Variants in NBAS observed in about 807,000 individuals in gnomAD.
NBAS encodes NBAS subunit of NRZ tethering complex.
Under a neutral mutation model 302.5 loss-of-function variants are expected in NBAS, and 219 were observed. The ratio of observed to expected loss-of-function variants is 0.72; its 90% CI spans 0.65 to 0.81. The LOEUF is 0.81. Among genes scored for constraint, NBAS ranks in the 30% least tolerant of loss-of-function variants. NBAS has a pLI of 0.00. For missense variants in NBAS, 2,932 were observed against 2,841.6 expected (o/e 1.03, Z -0.72); for synonymous variants, 1,118 against 1,021.6 (o/e 1.09, Z -1.80).
chr2:15,314,046 T>C (rs1361517446), intron 38 of NBAS, among the ~76,000 whole-genome samples: 2 of 152,062 alleles, frequency 1.3e-5, no homozygotes, highest in Non-Finnish European at 2.9e-5. Context: ...AAACTCTAGA[T>C]AAAATATAAA....
At chr2:15,058,547 T>C in the NBAS span, among the ~76,000 whole-genome samples, 1 of 152,328 alleles carries the variant, frequency 6.6e-6, no homozygotes, top group African/African-American at 2.4e-5. Flanking sequence ...CAACATAAGG[T>C]TGAAGTTCCC....
intron 3 of NBAS, 112 bp downstream of exon 3, chr2:15,556,671 T>A (rs1057436365): frequency 6.8e-6 from 7 of 1,021,978 alleles, no homozygotes; most frequent in Non-Finnish European, 1.1e-5. Context: ...TTTGCCTGAA[T>A]GTCAGCAACT....
At chr2:15,221,241 T>C (rs1666936731) in intron 47 of NBAS, among the ~76,000 whole-genome samples, 1 of 152,192 alleles carries the variant, frequency 6.6e-6, no homozygotes, top group African/African-American at 2.4e-5. Flanking sequence ...CTGCAGACTT[T>C]CCTAAGAACT....
chr2:15,174,813 T>C (rs2125108620), intron 51 of NBAS, among the ~76,000 whole-genome samples: 1 of 152,290 alleles, frequency 6.6e-6, no homozygotes, highest in African/African-American at 2.4e-5. Flanking sequence ...TTCTCATCTG[T>C]GAAACCAAAA....
At chr2:15,277,951 C>T (rs1213160860) in intron 42 of NBAS, among the ~76,000 whole-genome samples, 1 of 152,046 alleles carries the variant, frequency 6.6e-6, no homozygotes, top group East Asian at 1.9e-4. Context: ...TTGTAAGAGT[C>T]CTTCAGGCAG....
At chr2:15,062,852 G>A in the NBAS span, among the ~76,000 whole-genome samples, 1 of 152,184 alleles carries the variant, frequency 6.6e-6, no homozygotes, top group Non-Finnish European at 1.5e-5. Context: ...AAACTAAGCA[G>A]TCAATCAAAA....
chr2:14,854,375 T>C, the NBAS span, among the ~76,000 whole-genome samples: 1 of 151,744 alleles, frequency 6.6e-6, no homozygotes, highest in Non-Finnish European at 1.5e-5. Context: ...GATGGCAGAA[T>C]AGAAAGTGCC....
the NBAS span, among the ~76,000 whole-genome samples, chr2:15,098,964 CAT>C: frequency 5.3e-5 from 8 of 150,842 alleles, no homozygotes; most frequent in Admixed American, 1.3e-4. Context: ...CTCACACACA[CAT>C]ATATATATAC....
At chr2:15,058,034 G>T in the NBAS span, among the ~76,000 whole-genome samples, 1 of 152,192 alleles carries the variant, frequency 6.6e-6, no homozygotes. Flanking sequence ...AAATAGTGTG[G>T]AGATTCCTTA....
the NBAS span, among the ~76,000 whole-genome samples, chr2:15,074,398 G>T: frequency 5.6e-5 from 8 of 143,788 alleles, no homozygotes; most frequent in Non-Finnish European, 9.1e-5. Flanking sequence ...TGGAAGGAGG[G>T]GGGGAGGGAA....
At chr2:15,079,950 A>G in the NBAS span, among the ~76,000 whole-genome samples, 1 of 152,196 alleles carries the variant, frequency 6.6e-6, no homozygotes, top group Non-Finnish European at 1.5e-5. Flanking sequence ...CAACCATTAT[A>G]TTGACAAATA....
chr2:15,072,418 C>T, the NBAS span, among the ~76,000 whole-genome samples: 1 of 152,074 alleles, frequency 6.6e-6, no homozygotes, highest in Non-Finnish European at 1.5e-5. Flanking sequence ...ACTCCTTTAC[C>T]ATATCACTAT....
intron 1 of NBAS, among the ~76,000 whole-genome samples, chr2:15,560,010 C>G (rs1664836898): frequency 6.6e-6 from 1 of 152,060 alleles, no homozygotes; most frequent in Admixed American, 6.6e-5. Context: ...ATGATAAGCA[C>G]AAACTGCAGT....
the NBAS span, among the ~76,000 whole-genome samples, chr2:14,832,875 T>G: frequency 6.6e-6 from 1 of 152,190 alleles, no homozygotes; most frequent in East Asian, 1.9e-4. Flanking sequence ...TGTTGCCAAA[T>G]GTCCCATGGA....
At chr2:15,056,916 C>A in the NBAS span, among the ~76,000 whole-genome samples, 1 of 151,304 alleles carries the variant, frequency 6.6e-6, no homozygotes, top group Non-Finnish European at 1.5e-5. Flanking sequence ...GCAACTTTCG[C>A]CTCCCAGGTT....
chr2:15,528,892 T>TATGTGTGTATATAC (rs1553333206), intron 9 of NBAS, among the ~76,000 whole-genome samples: 7 of 145,364 alleles, frequency 4.8e-5, no homozygotes, highest in Non-Finnish European at 3.0e-5. Context: ...TATATATATA[T>TATGTGTGTATATAC]ATATATGTGT....
At chr2:15,241,508 A>G (rs1667866356) in intron 44 of NBAS, among the ~76,000 whole-genome samples, 2 of 152,194 alleles carry the variant, frequency 1.3e-5, no homozygotes, top group Admixed American at 1.3e-4. Flanking sequence ...CATTCAGAAA[A>G]GTTGTGTTTA....
intron 9 of NBAS, among the ~76,000 whole-genome samples, chr2:15,522,065 A>G (rs767607184): frequency 6.6e-6 from 1 of 152,230 alleles, no homozygotes; most frequent in Non-Finnish European, 1.5e-5. Flanking sequence ...GGCCTTTAAT[A>G]CTAATCTAAG....
At chr2:15,063,707 G>A in the NBAS span, among the ~76,000 whole-genome samples, 4 of 152,144 alleles carry the variant, frequency 2.6e-5, no homozygotes, top group Non-Finnish European at 4.4e-5. Flanking sequence ...CATCGAGAAT[G>A]TGCACACACA....
Sources: allele counts gnomAD v4.1 joint callset (sites outside exome capture counted in the v4.1 genomes callset), GRCh38; gene constraint gnomAD v4.1.1; transcripts MANE v1.5; gene names NCBI Gene and HGNC (gene_info 2026-07-23, HGNC 2026-07-21).